The following SDCCAG8 variants were observed in gnomAD, a reference collection of about 807,000 sequenced individuals.
The protein encoded by SDCCAG8 is SHH signaling and ciliogenesis regulator SDCCAG8, also known as serologically defined colon cancer antigen 8.
In SDCCAG8, 74 loss-of-function variants were observed where a neutral mutation model predicts 101.8. The ratio of observed to expected loss-of-function variants is 0.73; its 90% confidence interval spans 0.60 to 0.88. The LOEUF is 0.88. Among genes scored for constraint, SDCCAG8 ranks in the 40% least tolerant of loss-of-function variants. The probability of loss-of-function intolerance (pLI) is 0.00; values close to 1 mark genes in which losing one functional copy is unlikely to be tolerated. For missense variants in SDCCAG8, 787 were observed against 822.6 expected (o/e 0.96, Z 0.53); for synonymous variants, 281 against 292.9 (o/e 0.96, Z 0.41).
chr1:243,456,019 C>T (rs534668321), intron 16 of SDCCAG8, among the ~76,000 whole-genome samples: 12 of 152,300 alleles, frequency 7.9e-5, no homozygotes, highest in African/African-American at 2.4e-4. Flanking sequence ...GGACTGTTGG[C>T]GTGGGCTGAT....
intron 10 of SDCCAG8, chr1:243,338,999 G>A (rs1327293044): frequency 1.3e-5 from 2 of 154,330 alleles, no homozygotes; most frequent in Non-Finnish European, 2.9e-5. Flanking sequence ...AAAGTGGGGT[G>A]GGCGGCAGGA....
intron 4 of SDCCAG8, among the ~76,000 whole-genome samples, chr1:243,275,214 A>G (rs967412036): frequency 6.6e-6 from 1 of 152,198 alleles, no homozygotes; most frequent in Non-Finnish European, 1.5e-5. Context: ...TGCTAATGTC[A>G]TTAATGCTAA....
chr1:243,394,826 A>G (rs1573787328), intron 13 of SDCCAG8, among the ~76,000 whole-genome samples: 1 of 150,276 alleles, frequency 6.7e-6, no homozygotes, highest in East Asian at 1.9e-4. Context: ...TAACCTGGCA[A>G]CATTGCTTCA....
At chr1:243,426,765 TTTG>T (rs2081369737) in intron 16 of SDCCAG8, among the ~76,000 whole-genome samples, 1 of 152,230 alleles carries the variant, frequency 6.6e-6, no homozygotes, top group African/African-American at 2.4e-5. Context: ...ACATCCTCTT[TTTG>T]TTATTCTCTG....
chr1:243,299,588 A>G (rs2071291347), intron 6 of SDCCAG8, among the ~76,000 whole-genome samples: 1 of 151,392 alleles, frequency 6.6e-6, no homozygotes, highest in Non-Finnish European at 1.5e-5. Flanking sequence ...TAATTTTTGT[A>G]TTTTTAGTAG....
intron 12 of SDCCAG8, among the ~76,000 whole-genome samples, chr1:243,373,010 TA>T (rs1341286380): frequency 6.6e-6 from 1 of 150,492 alleles, no homozygotes; most frequent in Non-Finnish European, 1.5e-5. Context: ...TAGAATAAAA[TA>T]AGATGGAATA....
chr1:243,274,303 C>T (rs952759118), intron 3 of SDCCAG8, among the ~76,000 whole-genome samples: 6 of 152,214 alleles, frequency 3.9e-5, no homozygotes, highest in African/African-American at 1.2e-4. Context: ...AAACACCTCC[C>T]ACCAGGCCCC....
At chr1:243,292,974 T>C (rs887781112) in intron 5 of SDCCAG8, 117 bp from the exon 6 acceptor site, 123 of 1,179,460 alleles carry the variant, frequency 1.0e-4, no homozygotes, top group Non-Finnish European at 1.4e-4. Context: ...TGACCTGTAG[T>C]GTAGAAGCAT....
chr1:243,259,692 G>A (rs1558194623), intron 1 of SDCCAG8, among the ~76,000 whole-genome samples: 1 of 152,028 alleles, frequency 6.6e-6, no homozygotes. Flanking sequence ...GGTGGCAGGC[G>A]CGTGTAACCC....
intron 10 of SDCCAG8, 48 bp downstream of exon 10, chr1:243,330,740 T>A: frequency 6.3e-7 from 1 of 1,594,750 alleles, no homozygotes; most frequent in Non-Finnish European, 8.6e-7. Context: ...AAAGGTTTTT[T>A]ATGATGCCAT....
chr1:243,287,404 C>T (rs1435496279), intron 5 of SDCCAG8, among the ~76,000 whole-genome samples: 1 of 148,934 alleles, frequency 6.7e-6, no homozygotes, highest in Non-Finnish European at 1.5e-5. Flanking sequence ...CTCTAATTTT[C>T]GTTTTTGAAG....
intron 1 of SDCCAG8, among the ~76,000 whole-genome samples, chr1:243,263,030 T>G (rs532121700): frequency 1.8e-4 from 28 of 152,336 alleles, no homozygotes; most frequent in African/African-American, 6.5e-4. Flanking sequence ...CATGGCACTG[T>G]CGGTCTCAGG....
At chr1:243,312,201 G>A (rs978760412) in intron 8 of SDCCAG8, among the ~76,000 whole-genome samples, 2 of 152,138 alleles carry the variant, frequency 1.3e-5, no homozygotes, top group African/African-American at 4.8e-5. Flanking sequence ...TTTGGGTTTG[G>A]ATTTCTAGTT....
At chr1:243,323,002 G>A (rs909629117) in intron 9 of SDCCAG8, among the ~76,000 whole-genome samples, 2 of 152,020 alleles carry the variant, frequency 1.3e-5, no homozygotes, top group African/African-American at 2.4e-5. Flanking sequence ...GGGCATGGTG[G>A]TGTGCGCCTG....
intron 9 of SDCCAG8, among the ~76,000 whole-genome samples, chr1:243,327,355 TATA>T (rs2074241985): frequency 6.8e-6 from 1 of 146,314 alleles, no homozygotes; most frequent in Non-Finnish European, 1.5e-5. Context: ...AAATTAAAAT[TATA>T]ATTATAATTT....
intron 1 of SDCCAG8, among the ~76,000 whole-genome samples, chr1:243,265,365 G>A (rs534431671): frequency 6.6e-6 from 1 of 152,238 alleles, no homozygotes; most frequent in East Asian, 1.9e-4. Flanking sequence ...AAAGCCTTGT[G>A]TGTCACTTTT....
At chr1:243,422,153 G>A (rs1038174695) in intron 15 of SDCCAG8, among the ~76,000 whole-genome samples, 1 of 152,160 alleles carries the variant, frequency 6.6e-6, no homozygotes, top group Non-Finnish European at 1.5e-5. Context: ...TTTCTTTTCT[G>A]TCATTGTCAC....
intron 9 of SDCCAG8, among the ~76,000 whole-genome samples, chr1:243,328,365 G>A (rs757647741): frequency 2.1e-4 from 32 of 152,002 alleles, no homozygotes; most frequent in African/African-American, 4.6e-4. Flanking sequence ...TGCAACCTCC[G>A]CCTCCTGGGT....
chr1:243,428,325 T>C (rs946723295), intron 16 of SDCCAG8, among the ~76,000 whole-genome samples: 1 of 152,248 alleles, frequency 6.6e-6, no homozygotes, highest in East Asian at 1.9e-4. Context: ...TTCTACCACA[T>C]GCTGGAATAA....
Sources: gnomAD v4.1 joint callset for allele counts (sites outside exome capture counted in the v4.1 genomes callset) on GRCh38, gnomAD v4.1.1 for gene constraint, MANE v1.5 for transcripts, NCBI Gene and HGNC (gene_info 2026-07-23, HGNC 2026-07-21) for gene names.